Variants in SELENOS observed in about 807,000 individuals in gnomAD.
SELENOS encodes the protein selenoprotein S.
In SELENOS, 37 loss-of-function variants were observed where a neutral mutation model predicts 30.2. The ratio of observed to expected loss-of-function variants is 1.23; its 90% confidence interval spans 0.94 to 1.61. SELENOS has a LOEUF of 1.61. SELENOS is among the 40% of genes most tolerant of loss of function. The pLI is 0.00. For missense variants in SELENOS, 289 were observed against 231.8 expected, an observed-to-expected ratio of 1.25 and a Z score of -1.60; for synonymous variants, 119 against 91.6, an observed-to-expected ratio of 1.30 and a Z score of -1.71.
At position 101,277,395 on chromosome 15, in the gene SELENOS, A is replaced by G; in HGVS notation, c.23T>C (p.Leu8Pro). 6.7e-7 allele frequency: 1 copy of G among 1,502,722 alleles called. No individual in the cohort carries two copies. Among genetic ancestry groups the G allele is most frequent in the Non-Finnish European group, 8.8e-7 (1 of 1,133,442 alleles). 93.1% of individuals were successfully genotyped at this position (1,502,722 alleles called of 1,614,324 possible). A position where few individuals can be genotyped will look rare whatever the true frequency, so the allele number is the denominator to read the frequency against. The part of the protein sequence containing the change: MERQEES[L>P]SARPALETEG... ...GGTCTCCAGGGCCGGCCGCGCGGAC[A>G]GAGACTCCTCTTGGCGTTCCATGAC... The change falls in exon 1 of 6, where the codon CTG (leucine) becomes CCG (proline). Residue 8 changes from leucine (L) to proline (P), a missense_variant. Leu to Pro is a moderately conservative substitution (Grantham distance 98). Transcript: ENST00000526049.
intron 2 of SELENOS, 117 bp from the exon 3 acceptor site, chr15:101,275,478 A>G (rs765196662): frequency 1.2e-5 from 10 of 837,716 alleles, no homozygotes; most frequent in South Asian, 2.4e-5. Context: ...ATGAAACAAC[A>G]TATTTTTACA....
In SELENOS at chr15:101,277,285, CATGGCTGCGCGTCGCAAAA is replaced by C. The variant is rs773995839; in HGVS notation, c.76+38_76+56del. 8 of 1,514,804 alleles carry C rather than the reference CATGGCTGCGCGTCGCAAAA, an allele frequency of 5.3e-6. No individual in the cohort carries two copies. In the South Asian group the frequency reaches 6.1e-5, roughly 12 times the overall value. 93.8% of individuals were successfully genotyped at this position (1,514,804 alleles called of 1,614,324 possible). On this transcript the variant is annotated intron_variant, in intron 1 of 5. Transcript: ENST00000526049. ...GTGCAGCGGCGGACGACCCACCCAT[CATGGCTGCGCGTCGCAAAA>C]GTGGCGGCGCGCGCCCGGCTGCCCC...
At chr15:101,271,933 C>T (rs990532977), downstream of SELENOS, among the ~76,000 whole-genome samples, 20 of 152,134 alleles carry the variant, frequency 1.3e-4, no homozygotes, top group Admixed American at 2.6e-4. Context: ...GCTGATAGTG[C>T]CTCTGGACAA....
rs761813947 is a variant in SELENOS at position 101,277,370 on chromosome 15, G to C, written c.48C>G (p.Thr16=). The change falls in exon 1 of 6, where the codon ACC becomes ACG. Residue 16 remains threonine, a synonymous_variant. Coordinates refer to ENST00000526049, the MANE Select transcript of SELENOS (RefSeq NM_018445.6). Reference sequence around the variant, plus strand: ...TGGTGTGCAGGAAGCGCAGCCCCTCGGTCTCCAGGGCCGGCCGCGCGGACA... The same window carrying C: ...TGGTGTGCAGGAAGCGCAGCCCCTCCGTCTCCAGGGCCGGCCGCGCGGACA... ...ESLSARPALE[T]EGLRFLHTTV... is the part of the protein sequence containing the mutation. The C allele has an allele frequency of 2.6e-6, 4 of 1,513,598 alleles. No homozygotes were observed. The highest frequency in any genetic ancestry group is 3.5e-6 in the Non-Finnish European group (4 of 1,138,610). The allele number at this position is 1,513,598 out of a possible 1,614,324, so 93.8% of individuals were successfully genotyped here. A position where few individuals can be genotyped will look rare whatever the true frequency, so the allele number is the denominator to read the frequency against.
Position 101,275,312 on chromosome 15 carries a change from C to G in SELENOS, c.261G>C (p.Leu87=), listed in dbSNP as rs750242704. ...GCGCATTTAGTTCTTCTTGCATTTT[C>G]AGTCGAGCAGCTGCTAAAGCTTCTT... ...KRQEALAAAR[L]KMQEELNAQV... is the part of the protein sequence containing the mutation. The change falls in exon 3 of 6, where the codon CTG becomes CTC. Residue 87 remains leucine, a synonymous_variant. Coordinates refer to ENST00000526049, the MANE Select transcript of SELENOS (RefSeq NM_018445.6). 6.3e-7 allele frequency: 1 copy of G among 1,582,000 alleles called. No individual in the cohort carries two copies. The highest frequency in any genetic ancestry group is 1.2e-5 in the South Asian group (1 of 85,600).
In SELENOS at chr15:101,276,244, T is replaced by A. The variant is rs1038004570; in HGVS notation, c.211+297A>T. On this transcript the variant is annotated intron_variant, in intron 2 of 5. Coordinates refer to ENST00000526049, the MANE Select transcript of SELENOS (RefSeq NM_018445.6). ...CACCGAGAACCATATACTTCCTACTTTTTTTTTTTTTTTTTTTTTAAAGAC... is the reference window on the plus strand; with the variant it reads ...CACCGAGAACCATATACTTCCTACTATTTTTTTTTTTTTTTTTTTAAAGAC... Among the ~76,000 whole-genome samples the A allele has an allele frequency of 6.9e-5, 5 of 72,806 alleles. No individual in the cohort carries two copies. The African/African-American group carries it at 7.3e-4, about 11-fold the overall frequency. 47.8% of individuals were successfully genotyped at this position (72,806 alleles called of 152,430 possible).
In SELENOS at chr15:101,277,446, T is replaced by C. The variant is rs752124669; in HGVS notation, c.-29A>G. On this transcript the variant is annotated 5_prime_UTR_variant, in exon 1 of 6. Coordinates refer to ENST00000526049, the MANE Select transcript of SELENOS (RefSeq NM_018445.6). ...CGCCGCCGCCGCCGCCGCCCAGCCC[T>C]GCCGCCGCGCCTCCAGCCGGGCGCT... 4.2e-6 allele frequency: 6 copies of C among 1,425,892 alleles called. No individual in the cohort carries two copies. The highest frequency in any genetic ancestry group is 4.6e-6 in the Non-Finnish European group (5 of 1,098,514). 88.3% of individuals were successfully genotyped at this position (1,425,892 alleles called of 1,614,324 possible).
chr15:101,273,908 A>C (rs886767252), intron 5 of SELENOS, among the ~76,000 whole-genome samples: 1 of 152,194 alleles, frequency 6.6e-6, no homozygotes, highest in Admixed American at 6.5e-5. Context: ...TGCAACTCTT[A>C]GCCAGAATCA....
At chr15:101,276,366 A>G (rs1202131393) in intron 2 of SELENOS, 175 bp downstream of exon 2, 1 of 768,240 alleles carries the variant, frequency 1.3e-6, no homozygotes, top group Non-Finnish European at 1.9e-6. Context: ...ATCCCGCCTC[A>G]GCCTCCTGAG....
At position 101,272,894 on chromosome 15, in the gene SELENOS, A is replaced by C. The variant is rs892235524; in HGVS notation, c.485-38T>G. 6 of 1,545,318 alleles carry C rather than the reference A, an allele frequency of 3.9e-6. No individual in the cohort carries two copies. The Admixed American group carries it at 7.7e-5, about 20-fold the overall frequency. ...AAAAGCAGCACAACAGTATTGATAA[A>C]AATCTGAAAATCTGGGAACATTGTA... is the stretch of plus-strand genomic sequence containing the variant. On this transcript the variant is annotated intron_variant, in intron 5 of 5. Transcript: ENST00000526049.
rs772293047 is a variant in SELENOS at position 101,274,621 on chromosome 15, T to A, written c.379A>T (p.Ser127Cys). The A allele has an allele frequency of 6.2e-7, 1 of 1,613,588 alleles. No individual in the cohort carries two copies. Among genetic ancestry groups the A allele is most frequent in the Non-Finnish European group, 8.5e-7 (1 of 1,179,780 alleles). ...GGCTTCTTTGCATTTCCTTTGTAAC[T>A]TTTTCCTTCTTGCATGCTGTCCCAC... ...EMWDSMQEGK[S>C]YKGNAKKPQE... The change falls in exon 4 of 6, where the codon AGT becomes TGT. Residue 127 changes from serine to cysteine, a missense_variant. Physicochemically the swap from Ser to Cys is moderately radical, Grantham distance 112. Coordinates refer to ENST00000526049, the MANE Select transcript of SELENOS (RefSeq NM_018445.6).
In SELENOS at chr15:101,274,080, T is replaced by C. The variant is rs571931181; in HGVS notation, c.484+340A>G. 4.2e-5 allele frequency: 15 copies of C among 356,514 alleles called. No homozygotes were observed. The South Asian group carries it at 5.1e-4, about 12-fold the overall frequency. 22.1% of individuals were successfully genotyped at this position (356,514 alleles called of 1,614,324 possible). On this transcript the variant is annotated intron_variant, in intron 5 of 5. Coordinates refer to ENST00000526049, the MANE Select transcript of SELENOS (RefSeq NM_018445.6). ...AGCATCTGTCTGCTACTCCTTGTTA[T>C]TTGCAAGAAACAAGGTGGTCCCAGC...
At chr15:101,275,112 A>G in intron 3 of SELENOS, 143 bp downstream of exon 3, 1 of 659,506 alleles carries the variant, frequency 1.5e-6, no homozygotes, top group East Asian at 2.8e-5. Flanking sequence ...CAATACTTAC[A>G]TGGTAGGAAC....
At chr15:101,277,140 G>C in intron 1 of SELENOS, 1 of 904,924 alleles carries the variant, frequency 1.1e-6, no homozygotes, top group Non-Finnish European at 1.7e-6. Context: ...AGGGACAGCC[G>C]AGCCGCCCAG....
At chr15:101,277,004 G>C in intron 1 of SELENOS, 1 of 539,284 alleles carries the variant, frequency 1.9e-6, no homozygotes, top group Non-Finnish European at 3.3e-6. Context: ...AGGGGTGACA[G>C]CGCGGGGAGT....
intron 2 of SELENOS, among the ~76,000 whole-genome samples, chr15:101,275,912 C>T (rs2039320446): frequency 6.8e-6 from 1 of 146,006 alleles, no homozygotes; most frequent in East Asian, 2.0e-4. Flanking sequence ...TAGACTCCAT[C>T]TCATAGAAAA....
chr15:101,276,490 T>G, intron 2 of SELENOS, 51 bp downstream of exon 2: 1 of 1,543,416 alleles, frequency 6.5e-7, no homozygotes, highest in Non-Finnish European at 8.7e-7. Context: ...TAACTCTTAA[T>G]ATAAAGGAGG....
At position 101,276,648 on chromosome 15, in the gene SELENOS, CA is replaced by C; in HGVS notation, c.103del (p.Trp35GlyfsTer21). 3 of 1,610,648 alleles carry C rather than the reference CA, an allele frequency of 1.9e-6. No homozygotes were observed. The highest frequency in any genetic ancestry group is 2.5e-6 in the Non-Finnish European group (3 of 1,179,076). On this transcript the variant is annotated frameshift_variant, in exon 2 of 6. Coordinates refer to ENST00000526049, the MANE Select transcript of SELENOS (RefSeq NM_018445.6). LOFTEE classifies it high-confidence loss of function. The stretch of plus-strand genomic sequence containing the variant: ...AAGGATGCAGCTGAAGACGATGTAC[CA>C]GCCATAGGTGGCCAGCAGGGAGCCC... ...TVGSLLATYGWYIVFSCILLY... is the reference protein window; with the variant it reads ...TVGSLLATYGXYIVFSCILLY...
At chr15:101,274,072 CCTT>C (rs1314496708) in intron 5 of SELENOS, 3 of 345,776 alleles carry the variant, frequency 8.7e-6, no homozygotes, top group Non-Finnish European at 1.6e-5. Flanking sequence ...GTCTGCTACT[CCTT>C]GTTATTTGCA....
Sources: allele counts gnomAD v4.1 joint callset (sites outside exome capture counted in the v4.1 genomes callset), GRCh38; gene constraint gnomAD v4.1.1; transcripts MANE v1.5; gene names NCBI Gene and HGNC (gene_info 2026-07-23, HGNC 2026-07-21).